ACTG1: variants seen among roughly 807,000 people sequenced by gnomAD.
The protein encoded by ACTG1 is actin, cytoplasmic 2.
In ACTG1, 14 loss-of-function variants were observed where a neutral mutation model predicts 34.3. The ratio of observed to expected loss-of-function variants is 0.41; its 90% CI spans 0.27 to 0.64. ACTG1 has a LOEUF of 0.64. Ranked by LOEUF, ACTG1 falls within the 30% of genes least tolerant of loss-of-function variation. ACTG1 has a pLI of 0.33. For missense variants in ACTG1, 233 were observed against 529.5 expected, an observed-to-expected ratio of 0.44 and a Z score of 5.50; for synonymous variants, 422 against 213.9, an observed-to-expected ratio of 1.97 and a Z score of -8.49.
In ACTG1 at chr17:81,510,420, C is replaced by A; in HGVS notation, c.*270G>T. 1 of 571,028 alleles carries A rather than the reference C, an allele frequency of 1.8e-6. No homozygotes were observed. Among genetic ancestry groups the A allele is most frequent in the Non-Finnish European group, 3.2e-6 (1 of 310,382 alleles). The allele number at this position is 571,028 out of a possible 1,614,324, so 35.4% of individuals were successfully genotyped here. A position where few individuals can be genotyped will look rare whatever the true frequency, so the allele number is the denominator to read the frequency against. On this transcript the variant is annotated 3_prime_UTR_variant, in exon 6 of 6. Coordinates refer to ENST00000573283, the MANE Select transcript of ACTG1 (RefSeq NM_001614.5). ...CGTTCTTACCTTAGCCACGAAGTGA[C>A]CAAGCCACACGTACTAAAGGTTGAA...
At chr17:81,512,665 C>T (rs1256465465) in intron 1 of ACTG1, 69 bp downstream of exon 1, 8 of 410,302 alleles carry the variant, frequency 1.9e-5, no homozygotes, top group African/African-American at 4.3e-5. Context: ...CAGCTGGAAG[C>T]GGGGCCAGCC....
Position 81,510,592 on chromosome 17 carries a change from G to GT in ACTG1, c.*97dup. On this transcript the variant is annotated 3_prime_UTR_variant, in exon 6 of 6. Transcript: ENST00000573283. ...AATTTCTTTTCGAAGGCTTATTCCA[G>GT]TTTCGTGAGGCTAGCATGAGGTGTG... 6.7e-7 allele frequency: 1 copy of GT among 1,492,670 alleles called. No individual in the cohort carries two copies. Among genetic ancestry groups the GT allele is most frequent in the Non-Finnish European group, 9.3e-7 (1 of 1,071,982 alleles). The allele number at this position is 1,492,670 out of a possible 1,614,324, so 92.5% of individuals were successfully genotyped here. A position where few individuals can be genotyped will look rare whatever the true frequency, so the allele number is the denominator to read the frequency against.
chr17:81,512,562 C>G, intron 1 of ACTG1, 172 bp downstream of exon 1: 1 of 830,348 alleles, frequency 1.2e-6, no homozygotes, highest in Non-Finnish European at 1.9e-6. Flanking sequence ...GCGGCCGGGC[C>G]CCGCCCTGGA....
rs1468811975 is a variant in ACTG1 at position 81,511,118 on chromosome 17, A to G, written c.803-10T>C. 3.1e-6 allele frequency: 5 copies of G among 1,613,994 alleles called. No individual in the cohort carries two copies. Among genetic ancestry groups the G allele is most frequent in the Non-Finnish European group, 4.2e-6 (5 of 1,180,032 alleles). Reference sequence around the variant, plus strand: ...CCGCAAGATTCCATACCTAGGGGACAGAGCCCTCCCTTAGTGATGCTGTGT... The same window carrying G: ...CCGCAAGATTCCATACCTAGGGGACGGAGCCCTCCCTTAGTGATGCTGTGT... On this transcript the variant is annotated splice_polypyrimidine_tract_variant and intron_variant, in intron 4 of 5. Transcript: ENST00000573283.
chr17:81,512,781 G>C lies in ACTG1; in HGVS notation c.-54C>G, dbSNP rs782476679. 1.2e-5 allele frequency: 5 copies of C among 416,370 alleles called. No homozygotes were observed. The highest frequency in any genetic ancestry group is 2.2e-5 in the African/African-American group (1 of 45,744). The allele number at this position is 416,370 out of a possible 1,614,324, so 25.8% of individuals were successfully genotyped here. ...AGCGGCGGAAGAACAGAGTGCGAGA[G>C]CTGGCAGCGGCGACTGAGACCGACC... On this transcript the variant is annotated 5_prime_UTR_variant, in exon 1 of 6. Transcript: ENST00000573283.
At chr17:81,511,741 A>G in intron 3 of ACTG1, 115 bp from the exon 4 acceptor site, 1 of 1,515,294 alleles carries the variant, frequency 6.6e-7, no homozygotes, top group Non-Finnish European at 9.0e-7. Context: ...AAAAGAACGC[A>G]GGCAGAAACC....
At position 81,511,378 on chromosome 17, in the gene ACTG1, G is replaced by A. The variant is rs368022367; in HGVS notation, c.612C>T (p.Ala204=). 118 of 1,613,836 alleles carry A rather than the reference G, an allele frequency of 7.3e-5. No homozygotes were observed. The highest frequency in any genetic ancestry group is 3.6e-4 in the East Asian group (16 of 44,892). ...TGATGTCGCGCACGATTTCCCGCTC[G>A]GCCGTGGTGGTGAAGCTGTAGCCTC... ...TERGYSFTTT[A]EREIVRDIKE... Residue 204 remains alanine (A), a synonymous_variant, in exon 4 of 6, where the codon GCC becomes GCT. Transcript: ENST00000573283.
chr17:81,510,663 CAAATG>C lies in ACTG1; in HGVS notation c.*22_*26del. 1 of 1,613,408 alleles carries C rather than the reference CAAATG, an allele frequency of 6.2e-7. No homozygotes were observed. Among genetic ancestry groups the C allele is most frequent in the Non-Finnish European group, 8.5e-7 (1 of 1,179,928 alleles). ...TTCTATTCTCAATTAACCCATGCAG[CAAATG>C]CTACGCATCTGCTGAGTCCGTTTAG... On this transcript the variant is annotated 3_prime_UTR_variant, in exon 6 of 6. Coordinates refer to ENST00000573283, the MANE Select transcript of ACTG1 (RefSeq NM_001614.5).
In ACTG1 at chr17:81,511,464, G is replaced by A. The variant is rs782088589; in HGVS notation, c.526C>T (p.Leu176=). The stretch of plus-strand genomic sequence containing the variant: ...TCCCGGCCAGCCAGGTCCAGACGCA[G>A]GATGGCGTGGGGGAGGGCGTAGCCC... ...YEGYALPHAI[L]RLDLAGRDLT... Residue 176 remains leucine (L), a synonymous_variant, in exon 4 of 6, where the codon CTG becomes TTG. Coordinates refer to ENST00000573283, the MANE Select transcript of ACTG1 (RefSeq NM_001614.5). 30 of 1,613,802 alleles carry A rather than the reference G, an allele frequency of 1.9e-5. 1 individual carries two copies. The highest frequency in any genetic ancestry group is 3.3e-5 in the South Asian group (3 of 91,092).
At position 81,512,026 on chromosome 17, in the gene ACTG1, G is replaced by A. The variant is rs782500482; in HGVS notation, c.240C>T (p.Asp80=). 15 of 1,613,918 alleles carry A rather than the reference G, an allele frequency of 9.3e-6. No homozygotes were observed. The highest frequency in any genetic ancestry group is 6.6e-5 in the South Asian group (6 of 91,090). The change falls in exon 3 of 6, where the codon GAC becomes GAT. Residue 80 remains aspartate, a synonymous_variant. Transcript: ENST00000573283. ...PIEHGIVTNW[D]DMEKIWHHTF... is the part of the protein sequence containing the mutation. ...TGTGGTGCCAGATCTTCTCCATGTC[G>A]TCCCAGTTGGTGACGATGCCATGCT...
intron 3 of ACTG1, 77 bp downstream of exon 3, chr17:81,511,822 CACTT>C (rs2031810046): frequency 1.2e-6 from 2 of 1,605,022 alleles, no homozygotes; most frequent in African/African-American, 1.3e-5. Context: ...GCGAAAGAAA[CACTT>C]AAATGTCAGA....
At position 81,512,512 on chromosome 17, in the gene ACTG1, G is replaced by A. The variant is rs548366866; in HGVS notation, c.-6-152C>T. 1.4e-4 allele frequency: 189 copies of A among 1,306,214 alleles called. No individual in the cohort carries two copies. In the African/African-American group the frequency reaches 2.2e-3, roughly 15 times the overall value. The allele number at this position is 1,306,214 out of a possible 1,614,324, so 80.9% of individuals were successfully genotyped here. ...TCGCAACCGCCTGGAACCGAAGGCCGGGCCTTTTACGTAACGTCCACGGCT... is the reference window on the plus strand; with the variant it reads ...TCGCAACCGCCTGGAACCGAAGGCCAGGCCTTTTACGTAACGTCCACGGCT... On this transcript the variant is annotated intron_variant, in intron 1 of 5. Transcript: ENST00000573283.
intron 2 of ACTG1, 37 bp downstream of exon 2, chr17:81,512,195 C>G (rs369910719): frequency 6.9e-5 from 111 of 1,613,232 alleles, no homozygotes; most frequent in Non-Finnish European, 9.1e-5. Flanking sequence ...CACCCCGCAA[C>G]GCAGAACCCA....
rs532657031 is a variant in ACTG1 at position 81,510,118 on chromosome 17, G to C, written c.*572C>G. 1 of 466,012 alleles carries C rather than the reference G, an allele frequency of 2.1e-6. No homozygotes were observed. Among genetic ancestry groups the C allele is most frequent in the Admixed American group, 2.4e-5 (1 of 42,524 alleles). The allele number at this position is 466,012 out of a possible 1,614,324, so 28.9% of individuals were successfully genotyped here. On this transcript the variant is annotated 3_prime_UTR_variant, in exon 6 of 6. Transcript: ENST00000573283. Reference sequence around the variant, plus strand: ...ACAAAAAAAACCTTACATAAATTAAGAATGAATACATTTACAGGCGTAAAT... The same window carrying C: ...ACAAAAAAAACCTTACATAAATTAACAATGAATACATTTACAGGCGTAAAT...
chr17:81,512,403 C>A (rs1555667352), intron 1 of ACTG1, 43 bp from the exon 2 acceptor site: 2 of 1,613,540 alleles, frequency 1.2e-6, no homozygotes, highest in Non-Finnish European at 1.7e-6. Context: ...GTCTGTAACA[C>A]GGTCCCCTCC....
At chr17:81,512,416 A>G (rs1598552028) in intron 1 of ACTG1, 56 bp from the exon 2 acceptor site, 1 of 1,612,950 alleles carries the variant, frequency 6.2e-7, no homozygotes, top group East Asian at 2.2e-5. Context: ...TCCCCTCCCC[A>G]CAGCCACCTA....
At chr17:81,512,514 G>T in intron 1 of ACTG1, 154 bp from the exon 2 acceptor site, 2 of 1,267,264 alleles carry the variant, frequency 1.6e-6, no homozygotes, top group Non-Finnish European at 2.2e-6. Context: ...CGAAGGCCGG[G>T]CCTTTTACGT....
chr17:81,512,508 G>C, intron 1 of ACTG1, 148 bp from the exon 2 acceptor site: 3 of 1,336,894 alleles, frequency 2.2e-6, no homozygotes, highest in South Asian at 1.2e-5. Context: ...TGGAACCGAA[G>C]GCCGGGCCTT....
In ACTG1 at chr17:81,512,042, A is replaced by G; in HGVS notation, c.224T>C (p.Ile75Thr). 6.2e-7 allele frequency: 1 copy of G among 1,614,026 alleles called. No individual in the cohort carries two copies. The highest frequency in any genetic ancestry group is 8.5e-7 in the Non-Finnish European group (1 of 1,180,040). The change falls in exon 3 of 6, where the codon ATC (isoleucine) becomes ACC (threonine). Residue 75 changes from isoleucine to threonine, a missense_variant. Coordinates refer to ENST00000573283, the MANE Select transcript of ACTG1 (RefSeq NM_001614.5). ...LTLKYPIEHG[I>T]VTNWDDMEKI... ...CTCCATGTCGTCCCAGTTGGTGACG[A>G]TGCCATGCTCAATGGGGTACTTCAG...
Sources: allele counts gnomAD v4.1 joint callset, GRCh38; gene constraint gnomAD v4.1.1; transcripts MANE v1.5; gene names NCBI Gene and HGNC (gene_info 2026-07-23, HGNC 2026-07-21).